The following CNTNAP2 variants were observed in gnomAD, a reference collection of about 807,000 sequenced individuals.
The protein encoded by CNTNAP2 is contactin associated protein 2.
CNTNAP2 carries 98 observed loss-of-function variants against 155.2 expected under a neutral mutation model. The observed-to-expected ratio is 0.63, with a 90% confidence interval of 0.54 to 0.75. The LOEUF is 0.75. Ranked by LOEUF, CNTNAP2 falls within the 30% of genes least tolerant of loss-of-function variation. The pLI, the probability that CNTNAP2 is intolerant of heterozygous loss-of-function variation, is 0.00. For missense variants in CNTNAP2, 1,727 were observed against 1,688.1 expected, an observed-to-expected ratio of 1.02 and a Z score of -0.40; for synonymous variants, 651 against 631.2, an observed-to-expected ratio of 1.03 and a Z score of -0.47.
intron 12 of CNTNAP2, among the ~76,000 whole-genome samples, chr7:147,625,526 ATAT>A (rs1184422706): frequency 6.6e-6 from 1 of 152,236 alleles, no homozygotes; most frequent in Non-Finnish European, 1.5e-5. Flanking sequence ...TAGAGTTTAT[ATAT>A]TATTGTTTGC....
intron 15 of CNTNAP2, among the ~76,000 whole-genome samples, chr7:147,984,176 A>C (rs1801578572): frequency 1.3e-5 from 2 of 152,176 alleles, no homozygotes. Flanking sequence ...GGACAACCAG[A>C]GGTCACTCTT....
At chr7:147,075,727 A>G (rs10237572) in intron 4 of CNTNAP2, among the ~76,000 whole-genome samples, 2 of 151,854 alleles carry the variant, frequency 1.3e-5, no homozygotes, top group Non-Finnish European at 1.5e-5. Flanking sequence ...GGTGTGCTAC[A>G]CCCATTAACT....
At chr7:147,819,101 G>A (rs1399771675) in intron 13 of CNTNAP2, among the ~76,000 whole-genome samples, 2 of 152,094 alleles carry the variant, frequency 1.3e-5, no homozygotes, top group Non-Finnish European at 2.9e-5. Flanking sequence ...TCAGTTTCTG[G>A]ATAAAAGAAA....
chr7:147,046,394 T>A (rs1188932980), intron 4 of CNTNAP2, among the ~76,000 whole-genome samples: 1 of 152,234 alleles, frequency 6.6e-6, no homozygotes, highest in Non-Finnish European at 1.5e-5. Flanking sequence ...ACTTGACTTC[T>A]TTAGTTACAA....
chr7:147,488,421 G>A (rs1380220346), intron 11 of CNTNAP2, among the ~76,000 whole-genome samples: 4 of 152,142 alleles, frequency 2.6e-5, no homozygotes, highest in Non-Finnish European at 5.9e-5. Flanking sequence ...GAGATTTGCA[G>A]TTGCTTATTC....
At chr7:147,096,749 T>C (rs1800543881) in intron 4 of CNTNAP2, among the ~76,000 whole-genome samples, 1 of 152,168 alleles carries the variant, frequency 6.6e-6, no homozygotes, top group Non-Finnish European at 1.5e-5. Context: ...TAATTCAACC[T>C]CTTCTTCATG....
At chr7:146,985,503 G>A (rs1798099984) in intron 3 of CNTNAP2, among the ~76,000 whole-genome samples, 1 of 151,596 alleles carries the variant, frequency 6.6e-6, no homozygotes, top group East Asian at 1.9e-4. Context: ...TGTATTTTTA[G>A]TAGAGACGGA....
intron 14 of CNTNAP2, among the ~76,000 whole-genome samples, chr7:147,976,012 C>T (rs1801420978): frequency 6.6e-6 from 1 of 151,074 alleles, no homozygotes; most frequent in South Asian, 2.1e-4. Context: ...TTGCATCATA[C>T]ATAGACAATA....
At chr7:146,932,865 G>T (rs1380995312) in intron 3 of CNTNAP2, among the ~76,000 whole-genome samples, 10 of 152,120 alleles carry the variant, frequency 6.6e-5, no homozygotes, top group Non-Finnish European at 8.8e-5. Context: ...AAATACCTAG[G>T]AATCCAACTC....
chr7:148,052,314 A>G (rs1195251719), intron 15 of CNTNAP2, among the ~76,000 whole-genome samples: 1 of 148,042 alleles, frequency 6.8e-6, no homozygotes, highest in Non-Finnish European at 1.5e-5. Context: ...GTTTTTAAAA[A>G]CTTTTAAAAA....
chr7:147,471,676 T>G (rs1422059043), intron 10 of CNTNAP2, among the ~76,000 whole-genome samples: 1 of 152,210 alleles, frequency 6.6e-6, no homozygotes, highest in Non-Finnish European at 1.5e-5. Flanking sequence ...ACTCAGAACT[T>G]CTTCAACCAT....
chr7:147,394,267 A>G (rs1033694489), intron 9 of CNTNAP2, among the ~76,000 whole-genome samples: 1 of 151,982 alleles, frequency 6.6e-6, no homozygotes, highest in Non-Finnish European at 1.5e-5. Flanking sequence ...AGCCCTCCCC[A>G]GATATTCTCA....
chr7:146,630,503 A>C (rs941028308), intron 1 of CNTNAP2, among the ~76,000 whole-genome samples: 1 of 152,098 alleles, frequency 6.6e-6, no homozygotes, highest in Non-Finnish European at 1.5e-5. Flanking sequence ...ATACCCAGTT[A>C]TGATGCTGGA....
chr7:147,219,378 G>C (rs1319915630), intron 8 of CNTNAP2, among the ~76,000 whole-genome samples: 1 of 152,146 alleles, frequency 6.6e-6, no homozygotes, highest in Non-Finnish European at 1.5e-5. Context: ...TCAATCTATA[G>C]CAGAAGACCC....
At chr7:148,270,016 C>A (rs1453293127) in intron 21 of CNTNAP2, among the ~76,000 whole-genome samples, 1 of 152,126 alleles carries the variant, frequency 6.6e-6, no homozygotes, top group Non-Finnish European at 1.5e-5. Flanking sequence ...TTTGTGGAAC[C>A]TGCAAAGTCA....
At chr7:146,160,756 C>T (rs1798208234) in intron 1 of CNTNAP2, among the ~76,000 whole-genome samples, 1 of 152,210 alleles carries the variant, frequency 6.6e-6, no homozygotes, top group Middle Eastern at 3.4e-3. Flanking sequence ...GATTCACAGC[C>T]AAATTCTACC....
chr7:148,185,249 T>C (rs1795098525), intron 18 of CNTNAP2, among the ~76,000 whole-genome samples: 1 of 152,226 alleles, frequency 6.6e-6, no homozygotes, highest in Non-Finnish European at 1.5e-5. Flanking sequence ...CAGCCAACCC[T>C]TGAATGCATG....
chr7:146,332,685 T>G (rs377321306), intron 1 of CNTNAP2, among the ~76,000 whole-genome samples: 22 of 152,318 alleles, frequency 1.4e-4, no homozygotes, highest in African/African-American at 3.8e-4. Flanking sequence ...TAAACAATGA[T>G]CACTTGAGAA....
At chr7:146,798,436 G>C (rs1802810547) in intron 2 of CNTNAP2, among the ~76,000 whole-genome samples, 1 of 152,008 alleles carries the variant, frequency 6.6e-6, no homozygotes, top group African/African-American at 2.4e-5. Flanking sequence ...CTGCCTTCTT[G>C]GCTCAAACAA....
Sources: gnomAD v4.1 joint callset for allele counts (sites outside exome capture counted in the v4.1 genomes callset) on GRCh38, gnomAD v4.1.1 for gene constraint, MANE v1.5 for transcripts, NCBI Gene and HGNC (gene_info 2026-07-23, HGNC 2026-07-21) for gene names.